The following MCCC1 variants were observed in gnomAD, a reference collection of about 807,000 sequenced individuals.
The protein encoded by MCCC1 is methylcrotonyl-CoA carboxylase subunit 1, also known as methylcrotonoyl-CoA carboxylase subunit alpha, mitochondrial.
In MCCC1, 64 loss-of-function variants were observed where a neutral mutation model predicts 83.8. The observed-to-expected ratio is 0.76, with a 90% CI of 0.62 to 0.94. The LOEUF (loss-of-function observed/expected upper bound fraction) is 0.94, where lower values mean the gene tolerates loss of function less well. Among genes scored for constraint, MCCC1 ranks in the 40% least tolerant of loss-of-function variants. The pLI is 0.00. For synonymous variants in MCCC1, 322 were observed against 315.4 expected, an observed-to-expected ratio of 1.02 and a Z score of -0.22; for missense variants, 807 against 904.7, an observed-to-expected ratio of 0.89 and a Z score of 1.39.
rs747001867 is a variant in MCCC1, at chr3:183,017,344, AT to A, written c.1978-8del. ...CTCCAGCTTTGACAAACACCTTGAG[AT>A]TCAGTGTGACAGGTTAATATTTGAA... On this transcript the variant is annotated splice_region_variant and splice_polypyrimidine_tract_variant and intron_variant, in intron 17 of 18. Transcript: ENST00000265594. 58 of 1,613,544 alleles carry A rather than the reference AT, an allele frequency of 3.6e-5. No homozygotes were observed. Among genetic ancestry groups the A allele is most frequent in the Admixed American group, 1.8e-4 (11 of 60,028 alleles).
intron 1 of MCCC1, among the ~76,000 whole-genome samples, chr3:183,111,457 G>A (rs1286567153): frequency 1.3e-5 from 2 of 152,074 alleles, no homozygotes; most frequent in Admixed American, 6.6e-5. Flanking sequence ...CTACCACCAC[G>A]CCTGGCTAAT....
At chr3:183,045,208 T>C (rs1166669195) in intron 10 of MCCC1, among the ~76,000 whole-genome samples, 1 of 151,040 alleles carries the variant, frequency 6.6e-6, no homozygotes, top group East Asian at 1.9e-4. Flanking sequence ...GCCTCCTGAG[T>C]ACCGGGGACT....
chr3:183,038,170 G>A (rs1347086243), intron 12 of MCCC1, among the ~76,000 whole-genome samples: 1 of 152,124 alleles, frequency 6.6e-6, no homozygotes, highest in Non-Finnish European at 1.5e-5. Context: ...AGGGCAACAA[G>A]TAACAATATC....
chr3:183,109,438 A>G (rs1719455805), intron 1 of MCCC1, among the ~76,000 whole-genome samples: 1 of 152,040 alleles, frequency 6.6e-6, no homozygotes, highest in Non-Finnish European at 1.5e-5. Context: ...CCCAGTGCCT[A>G]TTGTTCTAAT....
intron 14 of MCCC1, among the ~76,000 whole-genome samples, chr3:183,029,997 T>C (rs572100917): frequency 1.3e-5 from 2 of 152,128 alleles, no homozygotes; most frequent in Admixed American, 6.5e-5. Flanking sequence ...TCCACCCAAA[T>C]AGGAAAGTGG....
chr3:183,025,404 G>A (rs946062675), intron 15 of MCCC1, among the ~76,000 whole-genome samples: 28 of 152,326 alleles, frequency 1.8e-4, no homozygotes, highest in East Asian at 5.8e-4. Flanking sequence ...GTGCTCTGGT[G>A]GGTATTTTAA....
intron 16 of MCCC1, among the ~76,000 whole-genome samples, chr3:183,020,858 A>G (rs949863185): frequency 3.3e-5 from 5 of 152,006 alleles, no homozygotes; most frequent in East Asian, 1.9e-4. Flanking sequence ...AGGGGATCAA[A>G]ACCATCCTGG....
At chr3:183,037,481 T>C (rs775749281) in intron 12 of MCCC1, 47 bp from the exon 13 acceptor site, 1 of 1,458,230 alleles carries the variant, frequency 6.9e-7, no homozygotes, top group Non-Finnish European at 9.6e-7. Context: ...GGGAAAACAA[T>C]ATGTTCAGAA....
At chr3:183,101,915 G>A (rs935028359), upstream of MCCC1, among the ~76,000 whole-genome samples, 47 of 151,668 alleles carry the variant, frequency 3.1e-4, no homozygotes, top group African/African-American at 7.7e-4. Context: ...CACTCACCGC[G>A]AAGGTCTGCA....
chr3:183,074,010 C>T lies in MCCC1; in HGVS notation c.370-1523G>A, dbSNP rs554039211. ...ACTGGACAAAGGGACGATTCACATC[C>T]TGGGAGGGACAAAGCAGACTGTGCA... On this transcript the variant is annotated intron_variant, in intron 4 of 18. Coordinates refer to ENST00000265594, the MANE Select transcript of MCCC1 (RefSeq NM_020166.5). Among the ~76,000 whole-genome samples the T allele has an allele frequency of 9.4e-4, 143 of 152,312 alleles. 1 individual carries two copies. The highest frequency in any genetic ancestry group is 2.1e-3 in the Admixed American group (32 of 15,304).
At chr3:183,075,299 CA>C (rs1716984298) in intron 4 of MCCC1, among the ~76,000 whole-genome samples, 2 of 152,164 alleles carry the variant, frequency 1.3e-5, no homozygotes, top group Admixed American at 1.3e-4. Context: ...TGCTGCTTTC[CA>C]CAATGGTTGA....
At chr3:183,100,907 G>C (rs1199360823), upstream of MCCC1, among the ~76,000 whole-genome samples, 1 of 152,250 alleles carries the variant, frequency 6.6e-6, no homozygotes, top group Non-Finnish European at 1.5e-5. Flanking sequence ...GGAGAGACAC[G>C]AGCGGGAACT....
intron 4 of MCCC1, among the ~76,000 whole-genome samples, chr3:183,074,511 G>A (rs1044768693): frequency 6.6e-6 from 1 of 151,974 alleles, no homozygotes; most frequent in African/African-American, 2.4e-5. Flanking sequence ...AAAACACAAA[G>A]GTTCAGCCAA....
intron 1 of MCCC1, among the ~76,000 whole-genome samples, chr3:183,109,465 A>G (rs1417827116): frequency 1.3e-5 from 2 of 152,086 alleles, no homozygotes; most frequent in African/African-American, 4.8e-5. Flanking sequence ...ATAGATGTGT[A>G]TTGAACGTTT....
chr3:183,079,940 G>A (rs1275581935), intron 4 of MCCC1, among the ~76,000 whole-genome samples: 1 of 152,214 alleles, frequency 6.6e-6, no homozygotes, highest in Non-Finnish European at 1.5e-5. Context: ...AGCCCAAGTA[G>A]TACCTTGGCC....
chr3:183,100,917 T>C (rs1432866707), upstream of MCCC1, among the ~76,000 whole-genome samples: 3 of 152,200 alleles, frequency 2.0e-5, no homozygotes, highest in African/African-American at 4.8e-5. Flanking sequence ...GAGCGGGAAC[T>C]GGGGCTGTGT....
At chr3:183,068,855 G>C (rs540062838) in intron 7 of MCCC1, among the ~76,000 whole-genome samples, 14 of 152,262 alleles carry the variant, frequency 9.2e-5, no homozygotes, top group African/African-American at 3.4e-4. Context: ...GTTTGTACAG[G>C]TTTGTAGCTC....
At chr3:183,058,797 C>T (rs1022465466) in intron 7 of MCCC1, among the ~76,000 whole-genome samples, 1 of 152,062 alleles carries the variant, frequency 6.6e-6, no homozygotes, top group African/African-American at 2.4e-5. Context: ...GTGATATGGT[C>T]ACACTGTAGT....
chr3:183,045,940 T>C (rs757236813), intron 9 of MCCC1, among the ~76,000 whole-genome samples: 18 of 152,184 alleles, frequency 1.2e-4, no homozygotes, highest in Non-Finnish European at 2.4e-4. Context: ...TGTGGGCTCC[T>C]AGGAATTTCT....
Sources: allele counts gnomAD v4.1 joint callset (sites outside exome capture counted in the v4.1 genomes callset), GRCh38; gene constraint gnomAD v4.1.1; transcripts MANE v1.5; gene names NCBI Gene and HGNC (gene_info 2026-07-23, HGNC 2026-07-21).